Variants in PDE4D observed in about 807,000 individuals in gnomAD.
PDE4D encodes the protein phosphodiesterase 4D.
PDE4D carries 24 observed loss-of-function variants against 87.4 expected under a neutral mutation model. The ratio of observed to expected loss-of-function variants is 0.27; its 90% CI spans 0.20 to 0.39. PDE4D has a LOEUF of 0.39. Ranked by LOEUF, PDE4D falls within the 10% of genes least tolerant of loss-of-function variation. The probability of loss-of-function intolerance (pLI) is 1.00; values close to 1 mark genes in which losing one functional copy is unlikely to be tolerated. For missense variants in PDE4D, 714 were observed against 1,041.0 expected (o/e 0.69, Z 4.32); for synonymous variants, 384 against 383.2 (o/e 1.00, Z -0.02).
chr5:59,893,617 C>G lies in PDE4D; in HGVS notation c.6G>C (p.Glu2Asp), dbSNP rs1287120220. 2.0e-6 allele frequency: 3 copies of G among 1,503,732 alleles called. No individual in the cohort carries two copies. In the South Asian group the frequency reaches 3.7e-5, roughly 19 times the overall value. The allele number at this position is 1,503,732 out of a possible 1,614,324, so 93.1% of individuals were successfully genotyped here. The change falls in exon 1 of 15, where the codon GAG becomes GAC. Residue 2 changes from glutamate (E) to aspartate (D), a missense_variant. Glu to Asp is a conservative substitution (Grantham distance 45, BLOSUM62 2). Around this residue, in one of 7 missense-constraint regions of PDE4D, gnomAD observed 268 missense variants for 272.9 expected, o/e 0.98. Transcript: ENST00000340635. Reference sequence around the variant, plus strand: ...GGGCCGGCGCGCTGCTGCCCTCTGCCTCCATCCTGGCTCGCGGCTCCGCGA... The same window carrying G: ...GGGCCGGCGCGCTGCTGCCCTCTGCGTCCATCCTGGCTCGCGGCTCCGCGA... MEAEGSSAPARA... is the reference protein window; with the variant it reads MDAEGSSAPARA...
At chr5:59,662,881 G>C (rs1745481972) in intron 1 of PDE4D, among the ~76,000 whole-genome samples, 1 of 152,038 alleles carries the variant, frequency 6.6e-6, no homozygotes, top group Non-Finnish European at 1.5e-5. Context: ...GTAAATTGCA[G>C]CTATTTCTAA....
intron 1 of PDE4D, among the ~76,000 whole-genome samples, chr5:60,436,390 A>G (rs553695889): frequency 1.8e-4 from 27 of 152,052 alleles, no homozygotes; most frequent in Admixed American, 3.3e-4. Flanking sequence ...ACCAGCTTTC[A>G]TTTATTTCCC....
At chr5:60,353,490 A>T (rs1297901328) in intron 1 of PDE4D, among the ~76,000 whole-genome samples, 3 of 152,226 alleles carry the variant, frequency 2.0e-5, no homozygotes, top group Non-Finnish European at 4.4e-5. Context: ...AAATAGCAGA[A>T]GTTAGTCTCT....
At chr5:60,418,978 A>T (rs1295536452) in intron 1 of PDE4D, among the ~76,000 whole-genome samples, 1 of 152,200 alleles carries the variant, frequency 6.6e-6, no homozygotes, top group Non-Finnish European at 1.5e-5. Context: ...TAGATGTACC[A>T]TGGAGAAAAT....
At chr5:59,923,508 C>CAG (rs34832272) in intron 3 of PDE4D, among the ~76,000 whole-genome samples, 59,728 of 151,812 alleles carry the variant, frequency 0.39, 12,310 homozygotes, top group Admixed American at 0.49. Context: ...TAGCTCAAGA[C>CAG]AGAGAGAGAG....
At chr5:59,721,954 C>G (rs915840671) in intron 1 of PDE4D, among the ~76,000 whole-genome samples, 1 of 152,108 alleles carries the variant, frequency 6.6e-6, no homozygotes, top group Non-Finnish European at 1.5e-5. Flanking sequence ...ATCACAGCCT[C>G]GACATCTGTG....
chr5:60,435,363 A>G (rs565461704), intron 1 of PDE4D, among the ~76,000 whole-genome samples: 2 of 152,250 alleles, frequency 1.3e-5, no homozygotes, highest in African/African-American at 4.8e-5. Context: ...AACTTAACAT[A>G]TAACTTAAAT....
chr5:59,237,587 A>T (rs1365743349), intron 1 of PDE4D, among the ~76,000 whole-genome samples: 1 of 152,182 alleles, frequency 6.6e-6, no homozygotes, highest in African/African-American at 2.4e-5. Context: ...CAGCAAATGC[A>T]TATTAAGTGA....
chr5:60,146,242 A>G (rs1457677321), intron 2 of PDE4D, among the ~76,000 whole-genome samples: 1 of 152,176 alleles, frequency 6.6e-6, no homozygotes, highest in Non-Finnish European at 1.5e-5. Context: ...CAAAAATTAC[A>G]GAGGAATTAT....
At chr5:59,593,178 G>T (rs978632553) in intron 1 of PDE4D, among the ~76,000 whole-genome samples, 1 of 151,688 alleles carries the variant, frequency 6.6e-6, no homozygotes, top group African/African-American at 2.4e-5. Flanking sequence ...TATATCTTAA[G>T]CTTTTCTAAA....
chr5:59,386,906 A>G (rs1787176231), intron 1 of PDE4D, among the ~76,000 whole-genome samples: 1 of 152,160 alleles, frequency 6.6e-6, no homozygotes. Flanking sequence ...GGAATAAAAC[A>G]TGTTAACTCT....
chr5:60,283,691 A>G (rs1314770685), intron 1 of PDE4D, among the ~76,000 whole-genome samples: 2 of 144,102 alleles, frequency 1.4e-5, no homozygotes, highest in Non-Finnish European at 3.0e-5. Context: ...GGGAGTTACA[A>G]TAATGGAAAG....
chr5:58,998,351 T>A (rs1451952668), intron 6 of PDE4D, among the ~76,000 whole-genome samples: 1 of 152,148 alleles, frequency 6.6e-6, no homozygotes, highest in Admixed American at 6.5e-5. Flanking sequence ...ACATCAGTTG[T>A]GAGCTGGCTA....
chr5:59,510,412 A>G (rs1810087339), intron 1 of PDE4D, among the ~76,000 whole-genome samples: 1 of 151,616 alleles, frequency 6.6e-6, no homozygotes, highest in African/African-American at 2.4e-5. Context: ...AAACATGAAT[A>G]TACTAATTAA....
intron 1 of PDE4D, among the ~76,000 whole-genome samples, chr5:59,517,044 T>G (rs921384841): frequency 3.3e-5 from 5 of 152,204 alleles, no homozygotes; most frequent in African/African-American, 1.2e-4. Context: ...GGATTTTTCA[T>G]GTAAAATATT....
intron 1 of PDE4D, among the ~76,000 whole-genome samples, chr5:59,435,676 T>C (rs1199328183): frequency 6.6e-6 from 1 of 152,176 alleles, no homozygotes; most frequent in African/African-American, 2.4e-5. Flanking sequence ...TTCTTTGACC[T>C]TGTAATCCAG....
At chr5:59,014,240 A>C (rs1244162114) in intron 6 of PDE4D, among the ~76,000 whole-genome samples, 4 of 152,196 alleles carry the variant, frequency 2.6e-5, no homozygotes, top group African/African-American at 9.6e-5. Context: ...CTGGCACAAG[A>C]CAGGGATGCC....
intron 1 of PDE4D, among the ~76,000 whole-genome samples, chr5:59,684,136 C>T (rs1481991299): frequency 6.6e-6 from 1 of 152,184 alleles, no homozygotes; most frequent in Non-Finnish European, 1.5e-5. Flanking sequence ...AGTCACCCTC[C>T]AAGACAAAAC....
At chr5:60,324,226 T>A (rs1000153023) in intron 1 of PDE4D, among the ~76,000 whole-genome samples, 3 of 152,214 alleles carry the variant, frequency 2.0e-5, no homozygotes, top group African/African-American at 7.2e-5. Context: ...CTCAGGGATG[T>A]GCTGTCTCTA....
Sources: gnomAD v4.1 joint callset for allele counts (sites outside exome capture counted in the v4.1 genomes callset) on GRCh38, gnomAD v4.1.1 for gene constraint, gnomAD v4.1.1 regional missense constraint, MANE v1.5 for transcripts, NCBI Gene and HGNC (gene_info 2026-07-23, HGNC 2026-07-21) for gene names.